The following PTPRG variants were observed in gnomAD, a reference collection of about 807,000 sequenced individuals.
The protein encoded by PTPRG is protein tyrosine phosphatase receptor type G.
A neutral mutation model predicts 165.3 loss-of-function variants in PTPRG; 102 were observed. The ratio of observed to expected loss-of-function variants is 0.62; its 90% CI spans 0.53 to 0.73. The LOEUF is 0.73. PTPRG is among the 30% of genes least tolerant of loss of function. The pLI, the probability that PTPRG is intolerant of heterozygous loss-of-function variation, is 0.00. For synonymous variants in PTPRG, 675 were observed against 669.5 expected (o/e 1.01, Z -0.13); for missense variants, 1,866 against 1,861.4 (o/e 1.00, Z -0.05).
chr3:62,131,144 GAT>G (rs1158480586), intron 5 of PTPRG, among the ~76,000 whole-genome samples: 1 of 152,148 alleles, frequency 6.6e-6, no homozygotes, highest in Non-Finnish European at 1.5e-5. Context: ...AGCCAGAAAA[GAT>G]ATTGTAGAGA....
chr3:61,810,987 G>T (rs77221455), intron 2 of PTPRG, among the ~76,000 whole-genome samples: 1 of 152,152 alleles, frequency 6.6e-6, no homozygotes, highest in African/African-American at 2.4e-5. Flanking sequence ...CACCAGGAGG[G>T]CAGGTTAGGG....
intron 4 of PTPRG, among the ~76,000 whole-genome samples, chr3:62,037,936 C>T (rs1475958043): frequency 1.3e-5 from 2 of 152,170 alleles, no homozygotes; most frequent in Non-Finnish European, 2.9e-5. Flanking sequence ...AATATCATCA[C>T]ACTGAGAAGT....
intron 9 of PTPRG, among the ~76,000 whole-genome samples, chr3:62,193,348 A>G (rs968119591): frequency 6.6e-6 from 1 of 152,242 alleles, no homozygotes; most frequent in Non-Finnish European, 1.5e-5. Flanking sequence ...TGAAGCATAA[A>G]TTAGTTTCAG....
At chr3:61,626,404 C>G (rs564105450) in intron 1 of PTPRG, among the ~76,000 whole-genome samples, 71 of 152,252 alleles carry the variant, frequency 4.7e-4, no homozygotes, top group Non-Finnish European at 7.6e-4. Flanking sequence ...AGCCTGAATT[C>G]CATTTTTTCT....
Position 62,037,517 on chromosome 3 carries a change from G to C in PTPRG, c.519+34020G>C, listed in dbSNP as rs147509515. On this transcript the variant is annotated intron_variant, in intron 4 of 29. Coordinates refer to ENST00000474889, the MANE Select transcript of PTPRG (RefSeq NM_002841.4). The stretch of plus-strand genomic sequence containing the variant: ...GCAGGCATTAGCAAATATCCCTTGG[G>C]GGGGCAAAATCGTCTCCATTTGAGA... 1.8e-3 allele frequency among the ~76,000 whole-genome samples: 269 copies of C among 152,278 alleles called. 4 individuals are homozygous for C. In the East Asian group the frequency reaches 0.047, roughly 27 times the overall value.
At chr3:61,656,416 G>T (rs965910131) in intron 1 of PTPRG, among the ~76,000 whole-genome samples, 1 of 152,022 alleles carries the variant, frequency 6.6e-6, no homozygotes, top group Non-Finnish European at 1.5e-5. Flanking sequence ...AAAACTGACC[G>T]TTTCATAAAA....
Position 62,037,514 on chromosome 3 carries a change from T to TG in PTPRG, c.519+34024dup, listed in dbSNP as rs111884479. 7.4e-3 allele frequency among the ~76,000 whole-genome samples: 1,123 copies of TG among 152,104 alleles called. 12 individuals carry two copies. The highest frequency in any genetic ancestry group is 0.023 in the African/African-American group (939 of 41,486). On this transcript the variant is annotated intron_variant, in intron 4 of 29. Coordinates refer to ENST00000474889, the MANE Select transcript of PTPRG (RefSeq NM_002841.4). ...TCTGCAGGCATTAGCAAATATCCCT[T>TG]GGGGGGGCAAAATCGTCTCCATTTG... is the stretch of plus-strand genomic sequence containing the variant.
intron 2 of PTPRG, among the ~76,000 whole-genome samples, chr3:61,751,959 A>T (rs1171606443): frequency 6.6e-6 from 1 of 151,892 alleles, no homozygotes; most frequent in Non-Finnish European, 1.5e-5. Flanking sequence ...CGCCCACTGC[A>T]CTCCAGCCTG....
intron 4 of PTPRG, among the ~76,000 whole-genome samples, chr3:62,012,126 C>G (rs9818791): frequency 0.14 from 20,687 of 152,038 alleles, 1,822 homozygotes; most frequent in African/African-American, 0.24. Context: ...TTAATAGACA[C>G]GACCTATATC....
intron 1 of PTPRG, among the ~76,000 whole-genome samples, chr3:61,650,110 A>T (rs1702310037): frequency 6.6e-6 from 1 of 152,178 alleles, no homozygotes; most frequent in Non-Finnish European, 1.5e-5. Flanking sequence ...AGCACCAGGG[A>T]TTAAAAAGCC....
chr3:62,034,402 C>A (rs1041842699), intron 4 of PTPRG, among the ~76,000 whole-genome samples: 3 of 152,186 alleles, frequency 2.0e-5, no homozygotes, highest in Middle Eastern at 3.2e-3. Flanking sequence ...GGTGAGGCTA[C>A]CAGCCTTGGG....
At chr3:62,072,486 T>C (rs1345862137) in intron 4 of PTPRG, among the ~76,000 whole-genome samples, 1 of 152,142 alleles carries the variant, frequency 6.6e-6, no homozygotes, top group Non-Finnish European at 1.5e-5. Context: ...GGCTAATGAC[T>C]CTCACTTACG....
At position 62,254,735 on chromosome 3, in the gene PTPRG, AAACAACAAC is replaced by A. The variant is rs367760537; in HGVS notation, c.2468-377_2468-369del. ...ACTCCATTGAACAGCAATTAAAAAA[AAACAACAAC>A]AACAACAACAAAGAAAACCCCTGGT... is the stretch of plus-strand genomic sequence containing the variant. On this transcript the variant is annotated intron_variant, in intron 15 of 29. Coordinates refer to ENST00000474889, the MANE Select transcript of PTPRG (RefSeq NM_002841.4). This position sits in a 1 kb window ranked among gnomAD's most constrained non-coding sequence, Gnocchi z 4.6. Among the ~76,000 whole-genome samples the A allele has an allele frequency of 1.3e-5, 2 of 152,016 alleles. No individual in the cohort carries two copies. Among genetic ancestry groups the A allele is most frequent in the Non-Finnish European group, 2.9e-5 (2 of 68,014 alleles).
intron 1 of PTPRG, among the ~76,000 whole-genome samples, chr3:61,663,898 C>CT (rs1432724993): frequency 6.6e-6 from 1 of 152,168 alleles, no homozygotes; most frequent in Non-Finnish European, 1.5e-5. Context: ...TTGCCCTCCA[C>CT]TCACCTCCTG....
At chr3:61,918,002 C>T (rs1017800904) in intron 2 of PTPRG, among the ~76,000 whole-genome samples, 4 of 151,978 alleles carry the variant, frequency 2.6e-5, no homozygotes, top group Non-Finnish European at 5.9e-5. Context: ...TGATAAAGGA[C>T]GAGGCAAACT....
intron 2 of PTPRG, among the ~76,000 whole-genome samples, chr3:61,926,152 A>C (rs2039203917): frequency 6.6e-6 from 1 of 152,164 alleles, no homozygotes; most frequent in Admixed American, 6.5e-5. Flanking sequence ...AATCCATGGA[A>C]ATAAACTTGG....
intron 5 of PTPRG, 108 bp from the exon 6 acceptor site, chr3:62,132,494 C>A: frequency 1.1e-6 from 1 of 872,342 alleles, no homozygotes; most frequent in South Asian, 1.4e-5. Context: ...ACCTAAGCAG[C>A]TTGCTAGATA....
intron 24 of PTPRG, chr3:62,276,547 A>C (rs1702238110): frequency 5.9e-6 from 1 of 169,792 alleles, no homozygotes; most frequent in Admixed American, 6.0e-5. Context: ...TGGGAGATTT[A>C]TCTCTAATGA....
In PTPRG at chr3:61,576,186, TTTTGTTTG is replaced by T. The variant is rs954645790; in HGVS notation, c.85+13826_85+13833del. 7.2e-4 allele frequency among the ~76,000 whole-genome samples: 110 copies of T among 152,230 alleles called. 1 individual carries two copies. Among genetic ancestry groups the T allele is most frequent in the African/African-American group, 2.6e-3 (108 of 41,548 alleles). On this transcript the variant is annotated intron_variant, in intron 1 of 29. Coordinates refer to ENST00000474889, the MANE Select transcript of PTPRG (RefSeq NM_002841.4). Reference sequence around the variant, plus strand: ...CTCACAGGGCTACCAGGAAGAGGTTTTTTGTTTGTTTGTTTGTTTTTTTGACAGAGGTT... The same window carrying T: ...CTCACAGGGCTACCAGGAAGAGGTTTTTTGTTTGTTTTTTTGACAGAGGTT...
Sources: allele counts gnomAD v4.1 joint callset (sites outside exome capture counted in the v4.1 genomes callset), GRCh38; gene constraint gnomAD v4.1.1; non-coding constraint Gnocchi (gnomAD v3.1); transcripts MANE v1.5; gene names NCBI Gene and HGNC (gene_info 2026-07-23, HGNC 2026-07-21).